Variants in FOCAD observed in about 807,000 individuals in gnomAD.
FOCAD encodes focadhesin, also known as KIAA1797.
In FOCAD, 198 loss-of-function variants were observed where a neutral mutation model predicts 225.6. The ratio of observed to expected loss-of-function variants is 0.88; its 90% CI spans 0.78 to 0.99. The LOEUF (loss-of-function observed/expected upper bound fraction) is 0.99, where lower values mean the gene tolerates loss of function less well. Ranked by LOEUF, FOCAD falls within the 50% of genes least tolerant of loss-of-function variation. The pLI is 0.00. For missense variants in FOCAD, 2,713 were observed against 2,123.6 expected, an observed-to-expected ratio of 1.28 and a Z score of -5.46; for synonymous variants, 897 against 755.0, an observed-to-expected ratio of 1.19 and a Z score of -3.08.
chr9:20,687,260 T>A (rs1822723853), intron 1 of FOCAD, among the ~76,000 whole-genome samples: 1 of 152,340 alleles, frequency 6.6e-6, no homozygotes, highest in South Asian at 2.1e-4. Flanking sequence ...AGATTTATCT[T>A]TTTACTTGCC....
intron 2 of FOCAD, among the ~76,000 whole-genome samples, chr9:20,672,839 T>G (rs966993589): frequency 6.6e-5 from 10 of 152,246 alleles, no homozygotes; most frequent in Non-Finnish European, 4.4e-5. Context: ...TTAAACAATC[T>G]AGGTCACCAA....
chr9:20,982,307 C>T (rs1446266461), intron 38 of FOCAD, 50 bp from the exon 39 acceptor site: 2 of 1,254,284 alleles, frequency 1.6e-6, no homozygotes, highest in Admixed American at 3.6e-5. Flanking sequence ...AACATTTTGA[C>T]CTGTTATTTT....
intron 8 of FOCAD, among the ~76,000 whole-genome samples, chr9:20,776,161 C>T (rs1343371837): frequency 6.6e-6 from 1 of 152,126 alleles, no homozygotes; most frequent in East Asian, 1.9e-4. Context: ...TTCTGAGAAG[C>T]CTTATGAAAG....
chr9:20,726,964 A>T (rs1449350373), intron 4 of FOCAD, among the ~76,000 whole-genome samples: 1 of 152,206 alleles, frequency 6.6e-6, no homozygotes, highest in Non-Finnish European at 1.5e-5. Flanking sequence ...TAGGGAAGAC[A>T]GCACATTTTA....
At chr9:20,720,311 G>T in intron 3 of FOCAD, 69 bp from the exon 4 acceptor site, 1 of 1,483,594 alleles carries the variant, frequency 6.7e-7, no homozygotes, top group South Asian at 1.2e-5. Flanking sequence ...ATTGATGAAT[G>T]ACCAAAGGTG....
intron 11 of FOCAD, among the ~76,000 whole-genome samples, chr9:20,798,633 T>A (rs185097801): frequency 3.2e-3 from 482 of 152,182 alleles, no homozygotes; most frequent in African/African-American, 0.011. Flanking sequence ...GTTTATTTGC[T>A]TAGAGGTGTT....
intron 15 of FOCAD, among the ~76,000 whole-genome samples, chr9:20,854,256 A>G (rs1041339212): frequency 6.6e-6 from 1 of 151,772 alleles, no homozygotes; most frequent in African/African-American, 2.4e-5. Context: ...TTTTTACAGC[A>G]CAGGAATTAG....
intron 10 of FOCAD, among the ~76,000 whole-genome samples, chr9:20,787,670 T>G (rs1406821363): frequency 6.6e-6 from 1 of 152,208 alleles, no homozygotes; most frequent in Non-Finnish European, 1.5e-5. Flanking sequence ...AATGCAGCCT[T>G]CTTGCCTTTG....
At chr9:20,903,407 A>G (rs1832710073) in intron 21 of FOCAD, among the ~76,000 whole-genome samples, 1 of 151,938 alleles carries the variant, frequency 6.6e-6, no homozygotes, top group Non-Finnish European at 1.5e-5. Flanking sequence ...GCGTCTGAGT[A>G]GGTTTTCTTG....
intron 10 of FOCAD, 151 bp downstream of exon 10, chr9:20,782,080 C>T: frequency 4.5e-6 from 3 of 666,034 alleles, no homozygotes; most frequent in South Asian, 3.7e-5. Context: ...ACATATTCTT[C>T]TGGACTATAA....
At chr9:20,696,163 T>C (rs983427753) in intron 1 of FOCAD, among the ~76,000 whole-genome samples, 2 of 152,256 alleles carry the variant, frequency 1.3e-5, no homozygotes, top group East Asian at 1.9e-4. Flanking sequence ...ATTTCATGTC[T>C]AATCCATTAG....
At chr9:20,865,778 A>C (rs982545591) in intron 16 of FOCAD, 148 bp from the exon 17 acceptor site, 13 of 532,292 alleles carry the variant, frequency 2.4e-5, no homozygotes, top group Non-Finnish European at 4.0e-5. Context: ...TTTACATTTT[A>C]TGAATGATGG....
chr9:20,862,617 A>C lies in FOCAD; in HGVS notation c.1960A>C (p.Lys654Gln). Residue 654 changes from lysine to glutamine, a missense_variant, in exon 16 of 44, where the codon AAG becomes CAG. Lys to Gln is a moderately conservative substitution (Grantham distance 53, BLOSUM62 1). Coordinates refer to ENST00000338382, the MANE Select transcript of FOCAD (RefSeq NM_001375567.1). ...IRSTWNALSP[K>Q]LSCDTRPLIL... is the part of the protein sequence containing the mutation. ...CTCCACTTGGAATGCTCTCTCTCCA[A>C]AGCTGAGTTGTGACACAAGACCTCT... The C allele has an allele frequency of 1.2e-6, 2 of 1,613,624 alleles. No homozygotes were observed. The highest frequency in any genetic ancestry group is 1.7e-6 in the Non-Finnish European group (2 of 1,179,668).
rs570102355 is a variant in FOCAD at position 20,923,941 on chromosome 9, C to T, written c.2961+173C>T. ...GTGTCTTCCTAACTTTGCTGCTTTT[C>T]TGTTTTCCTTTCTCCATCACAGTTA... On this transcript the variant is annotated intron_variant, in intron 25 of 43. Transcript: ENST00000338382. Among the ~76,000 whole-genome samples, 17 of 152,232 alleles carry T rather than the reference C, an allele frequency of 1.1e-4. No individual in the cohort carries two copies. The East Asian group carries it at 2.3e-3, about 21-fold the overall frequency.
intron 11 of FOCAD, among the ~76,000 whole-genome samples, chr9:20,796,909 G>A (rs1378621644): frequency 2.0e-5 from 3 of 151,718 alleles, no homozygotes; most frequent in African/African-American, 7.3e-5. Flanking sequence ...GTACTGAATG[G>A]TATTGCCTAG....
upstream of FOCAD, among the ~76,000 whole-genome samples, chr9:20,682,158 C>A (rs182646191): frequency 6.6e-6 from 1 of 152,360 alleles, no homozygotes; most frequent in African/African-American, 2.4e-5. Context: ...TCCAAATCTG[C>A]TGGCACCTTG....
At position 20,814,656 on chromosome 9, in the gene FOCAD, C is replaced by T. The variant is rs143174222; in HGVS notation, c.1456-5140C>T. On this transcript the variant is annotated intron_variant, in intron 11 of 43. Transcript: ENST00000338382. ...TACAGGCATGAGCTACCGTACCCAG[C>T]CACTCATTTTCTTTTGTGCATGTTC... Among the ~76,000 whole-genome samples the T allele has an allele frequency of 1.7e-3, 255 of 152,156 alleles. 1 individual carries two copies. The highest frequency in any genetic ancestry group is 5.7e-3 in the African/African-American group (238 of 41,506).
At chr9:20,921,876 C>G (rs1301745133) in intron 24 of FOCAD, among the ~76,000 whole-genome samples, 1 of 152,106 alleles carries the variant, frequency 6.6e-6, no homozygotes, top group Non-Finnish European at 1.5e-5. Context: ...GTTATCTTGT[C>G]TAATATATTT....
chr9:20,913,528 C>T (rs1282267996), intron 23 of FOCAD, among the ~76,000 whole-genome samples: 2 of 152,160 alleles, frequency 1.3e-5, no homozygotes, highest in Non-Finnish European at 2.9e-5. Flanking sequence ...TTGTGTTTCA[C>T]CAGCCTAAAT....
Sources: allele counts gnomAD v4.1 joint callset (sites outside exome capture counted in the v4.1 genomes callset), GRCh38; gene constraint gnomAD v4.1.1; transcripts MANE v1.5; gene names NCBI Gene and HGNC (gene_info 2026-07-23, HGNC 2026-07-21).